Variants in OR2L13 observed in about 807,000 individuals in gnomAD.
OR2L13 encodes olfactory receptor 2L13.
A neutral mutation model predicts 15.3 loss-of-function variants in OR2L13; 14 were observed. That is an observed-to-expected ratio of 0.91 (90% CI 0.60 to 1.43). OR2L13 has a LOEUF of 1.43. OR2L13 is among the 40% of genes most tolerant of loss of function. The pLI is 0.00. For missense variants in OR2L13, 367 were observed against 387.9 expected (o/e 0.95, Z 0.45); for synonymous variants, 152 against 142.9 (o/e 1.06, Z -0.45).
chr1:248,085,418 T>TATAA, the OR2L13 span, among the ~76,000 whole-genome samples: 1 of 27,590 alleles, frequency 3.6e-5, no homozygotes, highest in African/African-American at 5.8e-5. Context: ...TAAAATAAAA[T>TATAA]AATAAAATAA....
At chr1:248,070,867 A>G in the OR2L13 span, among the ~76,000 whole-genome samples, 1 of 152,100 alleles carries the variant, frequency 6.6e-6, no homozygotes, top group Non-Finnish European at 1.5e-5. Flanking sequence ...AATAGACTAG[A>G]AAATCTAGAA....
intron 2 of OR2L13, 43 bp from the exon 3 acceptor site, chr1:248,099,315 C>A: frequency 8.9e-7 from 1 of 1,120,812 alleles, no homozygotes. Context: ...TGTTTTATTT[C>A]ATGTTTTGTG....
chr1:247,939,509 A>G, the OR2L13 span: 2 of 152,194 alleles, frequency 1.3e-5, no homozygotes, highest in South Asian at 2.1e-4. Flanking sequence ...GAAATATTCT[A>G]TGCTTTCCTT....
chr1:248,085,436 T>TAATAA, the OR2L13 span, among the ~76,000 whole-genome samples: 3,665 of 84,556 alleles, frequency 0.043, 464 homozygotes, highest in African/African-American at 0.16. Context: ...TAAAATAAAA[T>TAATAA]AATAAAATAA....
chr1:247,971,838 C>G, the OR2L13 span, among the ~76,000 whole-genome samples: 2 of 152,162 alleles, frequency 1.3e-5, no homozygotes, highest in Non-Finnish European at 2.9e-5. Flanking sequence ...AACACATAAC[C>G]CTTATTCTAA....
the OR2L13 span, chr1:247,990,175 G>T: frequency 9.0e-6 from 5 of 554,062 alleles, no homozygotes; most frequent in South Asian, 3.9e-5. Flanking sequence ...ATTCACTGGC[G>T]GGCTTGAAAT....
chr1:248,022,686 G>A, the OR2L13 span: 1 of 1,614,112 alleles, frequency 6.2e-7, no homozygotes, highest in Non-Finnish European at 8.5e-7. Context: ...CCTCACTGTA[G>A]TAACTTTCTA....
the OR2L13 span, chr1:248,083,887 C>T: frequency 1.0e-3 from 1,668 of 1,610,636 alleles, 9 homozygotes; most frequent in South Asian, 2.5e-3. Context: ...GAGCAGGTGG[C>T]GAAGGCCTTC....
the OR2L13 span, among the ~76,000 whole-genome samples, chr1:248,044,531 C>T: frequency 1.6e-5 from 2 of 128,386 alleles, no homozygotes; most frequent in Admixed American, 6.9e-5. Context: ...CGGCCGGGCG[C>T]GGTGGCTCAC....
chr1:248,072,005 A>T, the OR2L13 span, among the ~76,000 whole-genome samples: 2 of 151,602 alleles, frequency 1.3e-5, no homozygotes, highest in African/African-American at 4.8e-5. Flanking sequence ...AGAACATTCC[A>T]TGCTCATGGG....
chr1:248,083,741 G>A, the OR2L13 span: 5 of 1,613,822 alleles, frequency 3.1e-6, no homozygotes, highest in South Asian at 4.4e-5. Context: ...TGTAGATGAG[G>A]GGGTTTAGTA....
chr1:248,038,283 C>G, the OR2L13 span: 4 of 1,607,696 alleles, frequency 2.5e-6, no homozygotes, highest in Non-Finnish European at 3.4e-6. Context: ...AAATTACAAT[C>G]AAACATCAAC....
chr1:247,968,154 C>A, the OR2L13 span, among the ~76,000 whole-genome samples: 4 of 151,832 alleles, frequency 2.6e-5, no homozygotes, highest in Admixed American at 6.6e-5. Context: ...TCATAATAAC[C>A]ATAAATAATA....
At chr1:247,955,990 T>G in the OR2L13 span, among the ~76,000 whole-genome samples, 1 of 147,014 alleles carries the variant, frequency 6.8e-6, no homozygotes, top group Non-Finnish European at 1.5e-5. Flanking sequence ...GCCATTGCTT[T>G]TGGTGTTTTA....
chr1:248,009,428 A>G, the OR2L13 span, among the ~76,000 whole-genome samples: 3 of 152,198 alleles, frequency 2.0e-5, no homozygotes, highest in Non-Finnish European at 4.4e-5. Context: ...TCTAGAAGAA[A>G]TGGGCAAATT....
At chr1:248,005,552 A>G in the OR2L13 span, among the ~76,000 whole-genome samples, 1 of 152,110 alleles carries the variant, frequency 6.6e-6, no homozygotes, top group African/African-American at 2.4e-5. Flanking sequence ...TTCCATACGA[A>G]TCGTAGAATG....
chr1:247,990,520 C>T, the OR2L13 span: 5 of 1,575,266 alleles, frequency 3.2e-6, no homozygotes, highest in Non-Finnish European at 4.4e-6. Flanking sequence ...TATGATTTTT[C>T]TGTATGGAAA....
chr1:248,032,712 C>A, the OR2L13 span, among the ~76,000 whole-genome samples: 1 of 152,070 alleles, frequency 6.6e-6, no homozygotes, highest in African/African-American at 2.4e-5. Flanking sequence ...GAATAATATT[C>A]CATTGTATGT....
the OR2L13 span, among the ~76,000 whole-genome samples, chr1:247,973,001 A>G: frequency 6.6e-6 from 1 of 152,254 alleles, no homozygotes; most frequent in East Asian, 1.9e-4. Flanking sequence ...CAATCCATCA[A>G]ATAAACAGAA....
Sources: gnomAD v4.1 joint callset for allele counts (sites outside exome capture counted in the v4.1 genomes callset) on GRCh38, gnomAD v4.1.1 for gene constraint, MANE v1.5 for transcripts, NCBI Gene and HGNC (gene_info 2026-07-23, HGNC 2026-07-21) for gene names.